STRN4: variants seen among roughly 807,000 people sequenced by gnomAD.
The protein encoded by STRN4 is striatin 4.
A neutral mutation model predicts 77.9 loss-of-function variants in STRN4; 27 were observed. That is an observed-to-expected ratio of 0.35 (90% CI 0.26 to 0.48). The LOEUF (loss-of-function observed/expected upper bound fraction) is 0.48, where lower values mean the gene tolerates loss of function less well. Ranked by LOEUF, STRN4 falls within the 20% of genes least tolerant of loss-of-function variation. The pLI, the probability that STRN4 is intolerant of heterozygous loss-of-function variation, is 0.99. For missense variants in STRN4, 798 were observed against 1,049.7 expected (o/e 0.76, Z 3.31); for synonymous variants, 466 against 443.1 (o/e 1.05, Z -0.65).
rs2054302899 is a variant in STRN4 at position 46,733,734 on chromosome 19, T to A, written c.540-498A>T. The A allele has an allele frequency of 6.5e-6, 1 of 153,960 alleles. No individual in the cohort carries two copies. Among genetic ancestry groups the A allele is most frequent in the African/African-American group, 2.4e-5 (1 of 41,400 alleles). 9.5% of individuals were successfully genotyped at this position (153,960 alleles called of 1,614,324 possible). ...ATGTCCCCCAAGAGGCCTAGAAAGA[T>A]CCATAAAAAACATAACAGCAGTGAC... On this transcript the variant is annotated intron_variant, in intron 4 of 17. Coordinates refer to ENST00000263280, the MANE Select transcript of STRN4 (RefSeq NM_013403.3). This position sits in a 1 kb window ranked among gnomAD's most constrained non-coding sequence, Gnocchi z 4.3.
At position 46,738,799 on chromosome 19, in the gene STRN4, C is replaced by T. The variant is rs189685987; in HGVS notation, c.372G>A (p.Ala124=). 13 of 1,614,132 alleles carry T rather than the reference C, an allele frequency of 8.1e-6. No homozygotes were observed. Among genetic ancestry groups the T allele is most frequent in the African/African-American group, 8.0e-5 (6 of 75,014 alleles). Residue 124 remains alanine (A), a synonymous_variant, in exon 2 of 18, where the codon GCG becomes GCA. Coordinates refer to ENST00000263280, the MANE Select transcript of STRN4 (RefSeq NM_013403.3). This position sits in a 1 kb window ranked among gnomAD's most constrained non-coding sequence, Gnocchi z 4.5. ...TGAAGGCTCACCTTTCCTGCTTCAG[C>T]GCATACTCTAGCATCTTGATCCGCC... ...LVRRIKMLEY[A]LKQERAKYHK...
intron 8 of STRN4, 41 bp from the exon 9 acceptor site, chr19:46,727,587 GA>G (rs1240367071): frequency 4.7e-6 from 7 of 1,499,206 alleles, no homozygotes; most frequent in African/African-American, 1.4e-5. Flanking sequence ...GGAGGGGAGG[GA>G]GGGGCAGAGA....
chr19:46,738,346 C>T lies in STRN4; in HGVS notation c.387-109G>A, dbSNP rs55900064. The T allele has an allele frequency of 2.2e-3, 2,283 of 1,032,434 alleles. 3 individuals carry two copies. Among genetic ancestry groups the T allele is most frequent in the Admixed American group, 5.1e-3 (282 of 54,958 alleles). The allele number at this position is 1,032,434 out of a possible 1,614,324, so 64.0% of individuals were successfully genotyped here. A position where few individuals can be genotyped will look rare whatever the true frequency, so the allele number is the denominator to read the frequency against. On this transcript the variant is annotated intron_variant, in intron 2 of 17. Transcript: ENST00000263280. The surrounding 1 kb of genome is among the most constrained non-coding windows in gnomAD (Gnocchi z 4.5). ...CCCCAAATCACAGGGCCTCCCCCAG[C>T]TCGTCTACTACTGAGGCTGAAGCAT...
chr19:46,728,894 C>T, intron 6 of STRN4, 117 bp from the exon 7 acceptor site: 1 of 1,427,594 alleles, frequency 7.0e-7, no homozygotes, highest in Non-Finnish European at 9.4e-7. Flanking sequence ...CATGGGGCTG[C>T]CTCAGCCGCC....
chr19:46,735,255 G>A (rs745968680), intron 4 of STRN4, among the ~76,000 whole-genome samples: 11 of 152,064 alleles, frequency 7.2e-5, no homozygotes, highest in Non-Finnish European at 1.6e-4. Flanking sequence ...GCAGTGAGCC[G>A]AGATTATGCC....
intron 1 of STRN4, among the ~76,000 whole-genome samples, chr19:46,742,650 C>T (rs2054494468): frequency 6.6e-6 from 1 of 151,526 alleles, no homozygotes; most frequent in Admixed American, 6.6e-5. Flanking sequence ...GCAACTTCTG[C>T]TTCCCGGGTA....
intron 6 of STRN4, among the ~76,000 whole-genome samples, chr19:46,730,069 G>A (rs1441495607): frequency 1.3e-5 from 2 of 152,234 alleles, no homozygotes; most frequent in Non-Finnish European, 2.9e-5. Flanking sequence ...TGGGTGGAGG[G>A]GTGGAAAAGG....
rs2054084146 is a variant in STRN4, at chr19:46,725,318, G to C, written c.1472+14C>G. The C allele has an allele frequency of 2.5e-6, 4 of 1,613,992 alleles. No homozygotes were observed. The Admixed American group carries it at 5.0e-5, about 20-fold the overall frequency. On this transcript the variant is annotated intron_variant, in intron 11 of 17. Transcript: ENST00000263280. ...TAGGACGAGTTTCTAGCAGGCTCAG[G>C]GGCACCTCCCTACCTGTGAGCCCGG...
At chr19:46,727,324 G>C in intron 9 of STRN4, 128 bp downstream of exon 9, 1 of 780,988 alleles carries the variant, frequency 1.3e-6, no homozygotes, top group Non-Finnish European at 2.1e-6. Flanking sequence ...TCCCTCCACT[G>C]TCTACATCTG....
Position 46,727,733 on chromosome 19 carries a change from AAGAG to A in STRN4, c.1153+157_1153+160del, listed in dbSNP as rs1049041751. ...AGACAGACAGGGCAGGACAGACAAA[AAGAG>A]AGGGAGACAGACAGACAGACGAACT... On this transcript the variant is annotated intron_variant, in intron 8 of 17. Coordinates refer to ENST00000263280, the MANE Select transcript of STRN4 (RefSeq NM_013403.3). 2.7e-5 allele frequency: 21 copies of A among 770,138 alleles called. No homozygotes were observed. The African/African-American group carries it at 3.7e-4, about 14-fold the overall frequency. The allele number at this position is 770,138 out of a possible 1,614,324, so 47.7% of individuals were successfully genotyped here.
intron 3 of STRN4, 102 bp from the exon 4 acceptor site, chr19:46,737,003 C>T: frequency 8.9e-7 from 1 of 1,118,918 alleles, no homozygotes; most frequent in South Asian, 1.4e-5. Flanking sequence ...CGGTCACTGT[C>T]GCAGGTCCTG....
chr19:46,725,708 C>T, intron 9 of STRN4, 60 bp from the exon 10 acceptor site: 1 of 1,576,528 alleles, frequency 6.3e-7, no homozygotes, highest in South Asian at 1.2e-5. Flanking sequence ...CATGCAGACA[C>T]CGACACCCAG....
At chr19:46,727,873 C>T in intron 8 of STRN4, 21 bp downstream of exon 8, 1 of 1,572,970 alleles carries the variant, frequency 6.4e-7, no homozygotes, top group Non-Finnish European at 8.7e-7. Flanking sequence ...GGACTGGGAC[C>T]AGGTGGGGGG....
Position 46,720,594 on chromosome 19 carries a change from G to A in STRN4, c.*8C>T. 6.4e-7 allele frequency: 1 copy of A among 1,563,158 alleles called. No homozygotes were observed. Among genetic ancestry groups the A allele is most frequent in the Non-Finnish European group, 8.7e-7 (1 of 1,149,418 alleles). Reference sequence around the variant, plus strand: ...CAGCGTGGCGGCCAGGGCAGGGCCAGGTGGGCATCATACGAAGACCTTGGC... The same window carrying A: ...CAGCGTGGCGGCCAGGGCAGGGCCAAGTGGGCATCATACGAAGACCTTGGC... On this transcript the variant is annotated 3_prime_UTR_variant, in exon 17 of 18. Coordinates refer to ENST00000263280, the MANE Select transcript of STRN4 (RefSeq NM_013403.3).
chr19:46,732,948 C>T, intron 5 of STRN4, 91 bp downstream of exon 5: 1 of 1,465,250 alleles, frequency 6.8e-7, no homozygotes. Flanking sequence ...GCCGCCAGGG[C>T]ACCCAGCGCC....
chr19:46,738,882 C>T lies in STRN4; in HGVS notation c.289G>A (p.Val97Met), dbSNP rs2054421539. Reference protein sequence around the residue: ...EAERAELQAQVAFLQGERKGQ... With the variant: ...EAERAELQAQMAFLQGERKGQ... ...TTCCTCTCTCCCTGAAGGAAGGCCA[C>T]CTGAGCCTGGGAGGGCAGACAGGAG... Residue 97 changes from valine to methionine, a missense_variant, in exon 2 of 18, where the codon GTG becomes ATG. By Grantham distance (21) the Val-to-Met change is conservative. Around this residue, in one of 2 missense-constraint regions of STRN4, gnomAD observed 511 missense variants for 575.9 expected, o/e 0.89. Transcript: ENST00000263280. The surrounding 1 kb of genome is among the most constrained non-coding windows in gnomAD (Gnocchi z 4.5). 6.2e-7 allele frequency: 1 copy of T among 1,613,834 alleles called. No homozygotes were observed. The highest frequency in any genetic ancestry group is 1.3e-5 in the African/African-American group (1 of 74,924).
rs747457131 is a variant in STRN4, at chr19:46,725,641, T to C, written c.1256A>G (p.Asp419Gly). 6.2e-6 allele frequency: 10 copies of C among 1,613,644 alleles called. No individual in the cohort carries two copies. The East Asian group carries it at 2.2e-4, about 36-fold the overall frequency. The change falls in exon 10 of 18, where the codon GAC becomes GGC. Residue 419 changes from aspartate (D) to glycine (G), a missense_variant. Asp to Gly is a moderately conservative substitution (Grantham distance 94, BLOSUM62 -1). Coordinates refer to ENST00000263280, the MANE Select transcript of STRN4 (RefSeq NM_013403.3). ...NDNDLSCDLS[D>G]SKDAFKKTWN... Reference sequence around the variant, plus strand: ...CGTCTTCTTAAAAGCATCTTTGCTGTCAGACAGCTGGGGTTGGGGGGAGCT... The same window carrying C: ...CGTCTTCTTAAAAGCATCTTTGCTGCCAGACAGCTGGGGTTGGGGGGAGCT...
Position 46,720,639 on chromosome 19 carries a change from C to G in STRN4, c.2225G>C (p.Ser742Thr). ...ACHPSKALIA[S>T]AGADALAKVF... is the part of the protein sequence containing the mutation. Reference sequence around the variant, plus strand: ...CTTGGCCAGGGCATCAGCGCCAGCACTGGCAATGAGGGCCTTGCTGGGGTG... The same window carrying G: ...CTTGGCCAGGGCATCAGCGCCAGCAGTGGCAATGAGGGCCTTGCTGGGGTG... Residue 742 changes from serine (S) to threonine (T), a missense_variant, in exon 17 of 18, where the codon AGT becomes ACT. By Grantham distance (58) the Ser-to-Thr change is moderately conservative. Around this residue, in one of 2 missense-constraint regions of STRN4, gnomAD observed 287 missense variants for 473.8 expected, o/e 0.61. Coordinates refer to ENST00000263280, the MANE Select transcript of STRN4 (RefSeq NM_013403.3). 6.2e-7 allele frequency: 1 copy of G among 1,606,866 alleles called. No homozygotes were observed. The highest frequency in any genetic ancestry group is 8.5e-7 in the Non-Finnish European group (1 of 1,175,926).
intron 8 of STRN4, 118 bp downstream of exon 8, chr19:46,727,776 G>A: frequency 2.1e-6 from 2 of 957,490 alleles, no homozygotes; most frequent in Non-Finnish European, 3.1e-6. Flanking sequence ...GGGGCAGGGA[G>A]GCTGCAGACT....
Sources: allele counts gnomAD v4.1 joint callset (sites outside exome capture counted in the v4.1 genomes callset), GRCh38; gene constraint gnomAD v4.1.1; regional missense constraint gnomAD v4.1.1; non-coding constraint Gnocchi (gnomAD v3.1); transcripts MANE v1.5; gene names NCBI Gene and HGNC (gene_info 2026-07-23, HGNC 2026-07-21).